SYNGR3: variants seen among roughly 807,000 people sequenced by gnomAD.
SYNGR3 encodes synaptogyrin 3, also known as synaptogyrin-3.
Under a neutral mutation model 18.5 loss-of-function variants are expected in SYNGR3, and 10 were observed. The ratio of observed to expected loss-of-function variants is 0.54; its 90% CI spans 0.33 to 0.92. The LOEUF (loss-of-function observed/expected upper bound fraction) is 0.92. SYNGR3 is among the 40% of genes least tolerant of loss of function. SYNGR3 has a pLI of 0.02. For synonymous variants in SYNGR3, 188 were observed against 157.2 expected (o/e 1.20, Z -1.47); for missense variants, 335 against 332.8 (o/e 1.01, Z -0.05).
chr16:1,993,247 G>C lies in SYNGR3; in HGVS notation c.*175G>C. 1 of 755,474 alleles carries C rather than the reference G, an allele frequency of 1.3e-6. No individual in the cohort carries two copies. The highest frequency in any genetic ancestry group is 2.1e-6 in the Non-Finnish European group (1 of 469,664). 46.8% of individuals were successfully genotyped at this position (755,474 alleles called of 1,614,324 possible). A position where few individuals can be genotyped will look rare whatever the true frequency, so the allele number is the denominator to read the frequency against. ...CGCGTGTCTGGGCTGCCCCTGCCAA[G>C]TTCCCCCAGTCCCTCAGCACCTGGC... On this transcript the variant is annotated 3_prime_UTR_variant, in exon 4 of 4. Coordinates refer to ENST00000248121, the MANE Select transcript of SYNGR3 (RefSeq NM_004209.6).
chr16:1,991,989 G>A lies in SYNGR3; in HGVS notation c.115G>A (p.Val39Ile). 1.3e-6 allele frequency: 2 copies of A among 1,595,504 alleles called. No homozygotes were observed. The highest frequency in any genetic ancestry group is 2.3e-5 in the East Asian group (1 of 43,516). ...RVASWVFSIA[V>I]FGPIVNEGYV... The stretch of plus-strand genomic sequence containing the variant: ...CCGCACGCAGGTGTTCTCCATCGCC[G>A]TCTTCGGGCCCATCGTCAACGAGGG... Residue 39 changes from valine to isoleucine, a missense_variant, in exon 2 of 4, where the codon GTC becomes ATC. Val to Ile is a conservative substitution (Grantham distance 29). Transcript: ENST00000248121.
In SYNGR3 at chr16:1,991,956, G is replaced by A. The variant is rs756636162; in HGVS notation, c.100-18G>A. On this transcript the variant is annotated intron_variant, in intron 1 of 3. Coordinates refer to ENST00000248121, the MANE Select transcript of SYNGR3 (RefSeq NM_004209.6). ...AGGTCGGGTCGCCGCAGGGCCCTGA[G>A]CGCCGCGCCGCACGCAGGTGTTCTC... 4 of 1,583,068 alleles carry A rather than the reference G, an allele frequency of 2.5e-6. No homozygotes were observed. The highest frequency in any genetic ancestry group is 2.3e-5 in the South Asian group (2 of 88,148).
At position 1,993,973 on chromosome 16, in the gene SYNGR3, GT is replaced by G. The variant is rs1375774080; in HGVS notation, c.*902del. 4 of 234,136 alleles carry G rather than the reference GT, an allele frequency of 1.7e-5. No homozygotes were observed. Among genetic ancestry groups the G allele is most frequent in the Non-Finnish European group, 3.5e-5 (4 of 115,380 alleles). 14.5% of individuals were successfully genotyped at this position (234,136 alleles called of 1,614,324 possible). ...CTTCCTGGCCCAGTCCCAGGTTGGA[GT>G]CCCTCTGCATAGCTGACTACTCATG... On this transcript the variant is annotated 3_prime_UTR_variant, in exon 4 of 4. Transcript: ENST00000248121.
chr16:1,991,788 T>G (rs1437862948), intron 1 of SYNGR3, 186 bp from the exon 2 acceptor site: 1 of 567,736 alleles, frequency 1.8e-6, no homozygotes, highest in Non-Finnish European at 3.1e-6. Flanking sequence ...TAGTAGATGC[T>G]CACTAAACGG....
intron 1 of SYNGR3, 64 bp downstream of exon 1, chr16:1,990,265 G>GCCCCCTGCCCCCTA (rs1382778315): frequency 4.3e-6 from 3 of 694,456 alleles, no homozygotes; most frequent in Non-Finnish European, 3.8e-6. Context: ...GCCCCTACCA[G>GCCCCCTGCCCCCTA]CCCCCTGCCC....
At chr16:1,990,944 C>A (rs1185827855) in intron 1 of SYNGR3, among the ~76,000 whole-genome samples, 1 of 152,240 alleles carries the variant, frequency 6.6e-6, no homozygotes, top group African/African-American at 2.4e-5. Flanking sequence ...TGGCTCTGAC[C>A]AGACCGGGAG....
intron 1 of SYNGR3, chr16:1,991,682 T>A (rs2083604588): frequency 2.4e-6 from 1 of 417,400 alleles, no homozygotes; most frequent in Admixed American, 4.3e-5. Flanking sequence ...CCCGCATTTA[T>A]AAAGAGAATA....
chr16:1,992,009 C>T lies in SYNGR3; in HGVS notation c.135C>T (p.Asn45=). The change falls in exon 2 of 4, where the codon AAC becomes AAT. Residue 45 remains asparagine (N), a synonymous_variant. Coordinates refer to ENST00000248121, the MANE Select transcript of SYNGR3 (RefSeq NM_004209.6). ...FSIAVFGPIV[N]EGYVNTDSGP... ...TCGCCGTCTTCGGGCCCATCGTCAA[C>T]GAGGGCTACGTGAACACCGACAGCG... is the stretch of plus-strand genomic sequence containing the variant. 2.5e-6 allele frequency: 4 copies of T among 1,593,296 alleles called. No homozygotes were observed. The highest frequency in any genetic ancestry group is 2.3e-5 in the South Asian group (2 of 88,678).
Position 1,992,829 on chromosome 16 carries a change from T to TCCCGGCTGAC in SYNGR3, c.481-29_481-20dup, listed in dbSNP as rs1555487050. On this transcript the variant is annotated intron_variant, in intron 3 of 3. Coordinates refer to ENST00000248121, the MANE Select transcript of SYNGR3 (RefSeq NM_004209.6). ...GGCGAAGGGGCGGGCGCTCGGCTGA[T>TCCCGGCTGAC]CCCGGCTGACCCCGCTGACCCCGCC... The TCCCGGCTGAC allele has an allele frequency of 4.6e-6, 7 of 1,515,210 alleles. No homozygotes were observed. The East Asian group carries it at 9.7e-5, about 21-fold the overall frequency. The allele number at this position is 1,515,210 out of a possible 1,614,324, so 93.9% of individuals were successfully genotyped here.
In SYNGR3 at chr16:1,992,867, C is replaced by A; in HGVS notation, c.485C>A (p.Ala162Glu). ...CGCTGACCCCGCCCCGCGCAGGTGG[C>A]GCTCACCGTGAAGGCCCTGCAGCGG... ...FSFFSILSWV[A>E]LTVKALQRFR... Residue 162 changes from alanine to glutamate, a missense_variant, in exon 4 of 4, where the codon GCG becomes GAG. Ala to Glu is a moderately radical substitution (Grantham distance 107). Transcript: ENST00000248121. 1 of 1,566,372 alleles carries A rather than the reference C, an allele frequency of 6.4e-7. No individual in the cohort carries two copies. Among genetic ancestry groups the A allele is most frequent in the Non-Finnish European group, 8.6e-7 (1 of 1,156,084 alleles).
chr16:1,991,993 T>C lies in SYNGR3; in HGVS notation c.119T>C (p.Phe40Ser), dbSNP rs1308586739. The change falls in exon 2 of 4, where the codon TTC becomes TCC. Residue 40 changes from phenylalanine to serine, a missense_variant. Phe to Ser is a radical substitution (Grantham distance 155). Transcript: ENST00000248121. ...ACGCAGGTGTTCTCCATCGCCGTCT[T>C]CGGGCCCATCGTCAACGAGGGCTAC... ...VASWVFSIAV[F>S]GPIVNEGYVN... 16 of 1,594,752 alleles carry C rather than the reference T, an allele frequency of 1.0e-5. No individual in the cohort carries two copies. Among genetic ancestry groups the C allele is most frequent in the Non-Finnish European group, 1.4e-5 (16 of 1,172,696 alleles).
Position 1,992,095 on chromosome 16 carries a change from T to C in SYNGR3, c.221T>C (p.Leu74Pro), listed in dbSNP as rs1324356212. ...GGCGCCTGCCGCTTCGGCGTCGCGC[T>C]GGGCCTCGGAGCCTTCCTCGCCTGC... ...NAGACRFGVA[L>P]GLGAFLACAA... The change falls in exon 2 of 4, where the codon CTG (leucine) becomes CCG (proline). Residue 74 changes from leucine to proline, a missense_variant. Physicochemically the swap from Leu to Pro is moderately conservative, Grantham distance 98. Transcript: ENST00000248121. 1 of 1,576,606 alleles carries C rather than the reference T, an allele frequency of 6.3e-7. No homozygotes were observed. Among genetic ancestry groups the C allele is most frequent in the East Asian group, 2.4e-5 (1 of 42,394 alleles).
In SYNGR3 at chr16:1,991,937, G is replaced by A. The variant is rs1597067002; in HGVS notation, c.100-37G>A. ...GCTCGAGGCGGGCTCGCAGAGGTCG[G>A]GTCGCCGCAGGGCCCTGAGCGCCGC... On this transcript the variant is annotated intron_variant, in intron 1 of 3. Transcript: ENST00000248121. 2.6e-6 allele frequency: 4 copies of A among 1,544,740 alleles called. No homozygotes were observed. The East Asian group carries it at 9.9e-5, about 38-fold the overall frequency.
chr16:1,991,106 T>C (rs1297619989), intron 1 of SYNGR3: 2 of 152,478 alleles, frequency 1.3e-5, no homozygotes, highest in African/African-American at 2.4e-5. Context: ...GGTCGTTTCT[T>C]GGAAACACAG....
chr16:1,992,907 C>G lies in SYNGR3; in HGVS notation c.525C>G (p.Thr175=). The G allele has an allele frequency of 1.2e-6, 2 of 1,606,804 alleles. No individual in the cohort carries two copies. Among genetic ancestry groups the G allele is most frequent in the Non-Finnish European group, 1.7e-6 (2 of 1,176,524 alleles). The stretch of plus-strand genomic sequence containing the variant: ...CCCTGCAGCGGTTCCGCCTGGGCAC[C>G]GACATGTCACTCTTCGCCACCGAAC... The part of the protein sequence containing the change: ...VKALQRFRLG[T]DMSLFATEQL... The change falls in exon 4 of 4, where the codon ACC becomes ACG. Residue 175 remains threonine (T), a synonymous_variant. Coordinates refer to ENST00000248121, the MANE Select transcript of SYNGR3 (RefSeq NM_004209.6).
In SYNGR3 at chr16:1,992,790, G is replaced by C. The variant is rs936704784; in HGVS notation, c.480+12G>C. 1 of 1,526,242 alleles carries C rather than the reference G, an allele frequency of 6.6e-7. No individual in the cohort carries two copies. The highest frequency in any genetic ancestry group is 8.8e-7 in the Non-Finnish European group (1 of 1,142,048). The allele number at this position is 1,526,242 out of a possible 1,614,324, so 94.5% of individuals were successfully genotyped here. ...CCATCCTCAGCTGGGTGAGTGCGGGGCCCGGGAGGGCGGGGCGAAGGGGCG... is the reference window on the plus strand; with the variant it reads ...CCATCCTCAGCTGGGTGAGTGCGGGCCCCGGGAGGGCGGGGCGAAGGGGCG... On this transcript the variant is annotated intron_variant, in intron 3 of 3. Coordinates refer to ENST00000248121, the MANE Select transcript of SYNGR3 (RefSeq NM_004209.6).
At position 1,992,984 on chromosome 16, in the gene SYNGR3, G is replaced by C. The variant is rs2083613405; in HGVS notation, c.602G>C (p.Gly201Ala). Residue 201 changes from glycine to alanine, a missense_variant, in exon 4 of 4, where the codon GGC becomes GCC. Physicochemically the swap from Gly to Ala is moderately conservative, Grantham distance 60 (BLOSUM62 0). Coordinates refer to ENST00000248121, the MANE Select transcript of SYNGR3 (RefSeq NM_004209.6). ...QAYPGYPVGSGVEGTETYQSP... is the reference protein window; with the variant it reads ...QAYPGYPVGSAVEGTETYQSP... ...TACCCCGGCTATCCGGTGGGCAGCG[G>C]CGTGGAGGGCACCGAGACCTACCAG... 8.7e-6 allele frequency: 14 copies of C among 1,611,842 alleles called. No individual in the cohort carries two copies. In the East Asian group the frequency reaches 2.9e-4, roughly 33 times the overall value.
In SYNGR3 at chr16:1,994,051, A is replaced by G. The variant is rs1408357558; in HGVS notation, c.*979A>G. On this transcript the variant is annotated 3_prime_UTR_variant, in exon 4 of 4. Coordinates refer to ENST00000248121, the MANE Select transcript of SYNGR3 (RefSeq NM_004209.6). Reference sequence around the variant, plus strand: ...TAAGTCAACACCAAACGTGGTTGCCACATTTCATCAGACAGACACCTCCCT... The same window carrying G: ...TAAGTCAACACCAAACGTGGTTGCCGCATTTCATCAGACAGACACCTCCCT... 1.2e-5 allele frequency: 2 copies of G among 163,598 alleles called. No homozygotes were observed. The highest frequency in any genetic ancestry group is 2.7e-5 in the Non-Finnish European group (2 of 74,088). 10.1% of individuals were successfully genotyped at this position (163,598 alleles called of 1,614,324 possible).
At chr16:1,992,384 G>A in intron 2 of SYNGR3, 173 bp downstream of exon 2, 1 of 634,438 alleles carries the variant, frequency 1.6e-6, no homozygotes, top group Non-Finnish European at 2.4e-6. Flanking sequence ...AGGGGGCGGA[G>A]CCTGGACGGG....
Sources: allele counts gnomAD v4.1 joint callset (sites outside exome capture counted in the v4.1 genomes callset), GRCh38; gene constraint gnomAD v4.1.1; transcripts MANE v1.5; gene names NCBI Gene and HGNC (gene_info 2026-07-23, HGNC 2026-07-21).